FRMD4A: variants seen among roughly 807,000 people sequenced by gnomAD.
The protein encoded by FRMD4A is FERM domain containing 4A.
Under a neutral mutation model 129.1 loss-of-function variants are expected in FRMD4A, and 29 were observed. The ratio of observed to expected loss-of-function variants is 0.22; its 90% CI spans 0.17 to 0.31. The LOEUF (loss-of-function observed/expected upper bound fraction) is 0.31. FRMD4A is among the 10% of genes least tolerant of loss of function. The pLI is 1.00. For synonymous variants in FRMD4A, 634 were observed against 571.6 expected (o/e 1.11, Z -1.56); for missense variants, 1,272 against 1,375.8 (o/e 0.92, Z 1.19).
intron 2 of FRMD4A, among the ~76,000 whole-genome samples, chr10:14,272,492 G>A (rs1490519146): frequency 6.6e-6 from 1 of 152,130 alleles, no homozygotes; most frequent in African/African-American, 2.4e-5. Context: ...TAGCCAAACC[G>A]ACCAAGACAC....
At chr10:13,754,357 G>T (rs118117653) in intron 8 of FRMD4A, among the ~76,000 whole-genome samples, 2,635 of 151,614 alleles carry the variant, frequency 0.017, 34 homozygotes, top group Non-Finnish European at 0.027. Flanking sequence ...TTACACACTT[G>T]AAAGCTCCAT....
chr10:13,933,080 G>A (rs2095215646), intron 2 of FRMD4A, among the ~76,000 whole-genome samples: 1 of 152,022 alleles, frequency 6.6e-6, no homozygotes, highest in African/African-American at 2.4e-5. Context: ...AGAATTGCTT[G>A]ATCCTGTGAG....
chr10:14,194,242 G>C (rs1171906173), intron 2 of FRMD4A, among the ~76,000 whole-genome samples: 1 of 152,146 alleles, frequency 6.6e-6, no homozygotes, highest in African/African-American at 2.4e-5. Flanking sequence ...ATCCATCTCT[G>C]CGTTCCTTCA....
chr10:14,170,719 T>G (rs1841430835), intron 2 of FRMD4A, among the ~76,000 whole-genome samples: 1 of 152,154 alleles, frequency 6.6e-6, no homozygotes, highest in Non-Finnish European at 1.5e-5. Context: ...AAACATTTGG[T>G]AAAAACATAG....
At chr10:13,957,876 G>T (rs1360226971) in intron 2 of FRMD4A, among the ~76,000 whole-genome samples, 1 of 150,616 alleles carries the variant, frequency 6.6e-6, no homozygotes, top group African/African-American at 2.4e-5. Context: ...GATTACATAC[G>T]GCGACTAGGA....
chr10:13,859,499 T>A (rs1194518373), intron 2 of FRMD4A, among the ~76,000 whole-genome samples: 2 of 152,218 alleles, frequency 1.3e-5, no homozygotes, highest in East Asian at 1.9e-4. Context: ...TATATTCTAA[T>A]AAGGGAGATG....
chr10:13,913,296 T>C (rs892722980), intron 2 of FRMD4A, among the ~76,000 whole-genome samples: 2 of 152,130 alleles, frequency 1.3e-5, no homozygotes, highest in African/African-American at 2.4e-5. Flanking sequence ...AGTTAATGTG[T>C]GTGGGGATGA....
chr10:13,807,800 C>CTTT, intron 4 of FRMD4A, among the ~76,000 whole-genome samples: 1 of 142,224 alleles, frequency 7.0e-6, no homozygotes, highest in Non-Finnish European at 1.5e-5. Context: ...TTTAGAAATT[C>CTTT]TTTTTTTTTT....
At chr10:14,172,131 A>G (rs77599342) in intron 2 of FRMD4A, among the ~76,000 whole-genome samples, 6,528 of 152,312 alleles carry the variant, frequency 0.043, 226 homozygotes, top group Non-Finnish European at 0.067. Context: ...TGAATTTTCA[A>G]TATGGAAATA....
intron 2 of FRMD4A, among the ~76,000 whole-genome samples, chr10:13,907,480 G>A (rs1298361056): frequency 1.3e-5 from 2 of 152,074 alleles, no homozygotes; most frequent in East Asian, 1.9e-4. Flanking sequence ...GGAAACCCAC[G>A]GCGGGTCCCA....
At chr10:14,126,952 T>C (rs1464817534) in intron 2 of FRMD4A, among the ~76,000 whole-genome samples, 4 of 152,104 alleles carry the variant, frequency 2.6e-5, no homozygotes. Context: ...ACTTGACAAA[T>C]ATTTGAGTGG....
At chr10:14,277,982 G>T (rs1845397672) in intron 2 of FRMD4A, among the ~76,000 whole-genome samples, 1 of 152,196 alleles carries the variant, frequency 6.6e-6, no homozygotes, top group African/African-American at 2.4e-5. Flanking sequence ...ATGGTTGAAT[G>T]GTGCTCAGTT....
At chr10:13,705,537 G>A (rs1274346830) in intron 13 of FRMD4A, among the ~76,000 whole-genome samples, 1 of 152,054 alleles carries the variant, frequency 6.6e-6, no homozygotes, top group Non-Finnish European at 1.5e-5. Context: ...ACCCATTGTG[G>A]CAAAGTTCAT....
chr10:13,860,949 G>A (rs1589064628), intron 2 of FRMD4A, among the ~76,000 whole-genome samples: 1 of 152,114 alleles, frequency 6.6e-6, no homozygotes, highest in Non-Finnish European at 1.5e-5. Flanking sequence ...CATGCGCCAC[G>A]GGACGTACCA....
chr10:14,144,116 G>A (rs972687178), intron 2 of FRMD4A, among the ~76,000 whole-genome samples: 3 of 152,158 alleles, frequency 2.0e-5, no homozygotes, highest in Non-Finnish European at 4.4e-5. Flanking sequence ...CTGTCTACAC[G>A]CTCCTGAGGA....
At chr10:14,218,700 G>A (rs1843150341) in intron 2 of FRMD4A, among the ~76,000 whole-genome samples, 1 of 152,098 alleles carries the variant, frequency 6.6e-6, no homozygotes, top group Non-Finnish European at 1.5e-5. Context: ...TACAAGATGA[G>A]ATTTGGGTGG....
At chr10:14,055,723 A>G (rs750513332) in intron 2 of FRMD4A, among the ~76,000 whole-genome samples, 1 of 152,240 alleles carries the variant, frequency 6.6e-6, no homozygotes, top group Non-Finnish European at 1.5e-5. Flanking sequence ...GTAGGTGTAT[A>G]TATTTACGGG....
intron 2 of FRMD4A, among the ~76,000 whole-genome samples, chr10:14,172,778 C>T (rs1481512822): frequency 6.6e-6 from 1 of 152,156 alleles, no homozygotes; most frequent in Non-Finnish European, 1.5e-5. Context: ...AACAGGATTC[C>T]AGCTACATGC....
chr10:13,801,991 C>T (rs7082464), intron 4 of FRMD4A, among the ~76,000 whole-genome samples: 59,713 of 129,372 alleles, frequency 0.46, 13,006 homozygotes, highest in Middle Eastern at 0.57. Context: ...ATTGCCTTTG[C>T]CAATAATAAT....
Sources: allele counts gnomAD v4.1 joint callset (sites outside exome capture counted in the v4.1 genomes callset), GRCh38; gene constraint gnomAD v4.1.1; transcripts MANE v1.5; gene names NCBI Gene and HGNC (gene_info 2026-07-23, HGNC 2026-07-21).